The following SV2C variants were observed in gnomAD, a reference collection of about 807,000 sequenced individuals.
SV2C encodes the protein synaptic vesicle glycoprotein 2C.
Under a neutral mutation model 79.7 loss-of-function variants are expected in SV2C, and 49 were observed. That is an observed-to-expected ratio of 0.61 (90% CI 0.49 to 0.78). The LOEUF (loss-of-function observed/expected upper bound fraction) is 0.78. Ranked by LOEUF, SV2C falls within the 30% of genes least tolerant of loss-of-function variation. The probability of loss-of-function intolerance (pLI) is 0.00; values close to 1 mark genes in which losing one functional copy is unlikely to be tolerated. For missense variants in SV2C, 833 were observed against 912.9 expected (o/e 0.91, Z 1.13); for synonymous variants, 334 against 333.2 (o/e 1.00, Z -0.03).
chr5:76,006,288 C>A, the SV2C span, among the ~76,000 whole-genome samples: 1 of 152,170 alleles, frequency 6.6e-6, no homozygotes, highest in Non-Finnish European at 1.5e-5. Flanking sequence ...TTACCACATG[C>A]CTTCCCTTCA....
chr5:76,081,663 G>C (rs1746994868), upstream of SV2C, among the ~76,000 whole-genome samples: 1 of 152,156 alleles, frequency 6.6e-6, no homozygotes. Context: ...GCCTCTCACC[G>C]GAACAAGACA....
the SV2C span, among the ~76,000 whole-genome samples, chr5:76,057,796 G>A: frequency 1.3e-5 from 2 of 152,052 alleles, no homozygotes; most frequent in Non-Finnish European, 2.9e-5. Flanking sequence ...GTTAAATGAA[G>A]TTAAGGCTTC....
At chr5:76,150,963 C>T (rs576428965) in intron 2 of SV2C, among the ~76,000 whole-genome samples, 4 of 152,214 alleles carry the variant, frequency 2.6e-5, no homozygotes, top group South Asian at 4.2e-4. Context: ...CTTACCTAGT[C>T]GGTGCAAGCC....
chr5:75,898,986 T>C, the SV2C span, among the ~76,000 whole-genome samples: 1 of 152,222 alleles, frequency 6.6e-6, no homozygotes. Flanking sequence ...TTGCTAGCGG[T>C]CTAACAATTT....
At chr5:75,971,040 A>T in the SV2C span, among the ~76,000 whole-genome samples, 28 of 152,264 alleles carry the variant, frequency 1.8e-4, no homozygotes, top group Middle Eastern at 3.4e-3. Context: ...CAATGAATGT[A>T]ATCCAGAATA....
chr5:75,969,108 TACAG>T, the SV2C span, among the ~76,000 whole-genome samples: 1 of 152,076 alleles, frequency 6.6e-6, no homozygotes, highest in Non-Finnish European at 1.5e-5. Flanking sequence ...TAAAATACTT[TACAG>T]ACAAACAAAT....
At chr5:76,076,285 A>G in the SV2C span, among the ~76,000 whole-genome samples, 1 of 152,238 alleles carries the variant, frequency 6.6e-6, no homozygotes, top group Admixed American at 6.5e-5. Context: ...CAACCAGCAG[A>G]GTTGGATAGA....
At chr5:76,073,394 G>A in the SV2C span, among the ~76,000 whole-genome samples, 2 of 150,842 alleles carry the variant, frequency 1.3e-5, no homozygotes, top group South Asian at 4.2e-4. Flanking sequence ...AAGATTAATT[G>A]GCTGTATGCA....
At chr5:75,981,475 C>T in the SV2C span, among the ~76,000 whole-genome samples, 3 of 152,044 alleles carry the variant, frequency 2.0e-5, no homozygotes, top group Non-Finnish European at 2.9e-5. Flanking sequence ...CTATACTATA[C>T]AGCTACAGTA....
intron 3 of SV2C, among the ~76,000 whole-genome samples, chr5:76,196,578 T>A (rs1744278009): frequency 6.6e-6 from 1 of 152,200 alleles, no homozygotes; most frequent in Non-Finnish European, 1.5e-5. Flanking sequence ...TTGGGGCTAT[T>A]AGTTAAAGGA....
the SV2C span, among the ~76,000 whole-genome samples, chr5:76,070,371 T>G: frequency 1.3e-5 from 2 of 152,182 alleles, no homozygotes; most frequent in Non-Finnish European, 2.9e-5. Context: ...CCTTGTTCTA[T>G]CAGGCAGGTT....
At chr5:75,890,093 C>T in the SV2C span, among the ~76,000 whole-genome samples, 1 of 152,198 alleles carries the variant, frequency 6.6e-6, no homozygotes, top group East Asian at 1.9e-4. Flanking sequence ...CATCTGGCTT[C>T]CTGTGCTATT....
chr5:76,022,301 A>T, the SV2C span, among the ~76,000 whole-genome samples: 1 of 152,144 alleles, frequency 6.6e-6, no homozygotes, highest in Admixed American at 6.6e-5. Context: ...ATGCCAGGAG[A>T]ACAGAACAGT....
chr5:76,206,709 G>A (rs1580353431), intron 3 of SV2C, among the ~76,000 whole-genome samples: 2 of 152,206 alleles, frequency 1.3e-5, no homozygotes, highest in East Asian at 3.9e-4. Flanking sequence ...ACTCAAGAAT[G>A]AATATGATAA....
chr5:76,306,397 C>T (rs1021026730), intron 12 of SV2C, among the ~76,000 whole-genome samples: 3 of 151,958 alleles, frequency 2.0e-5, no homozygotes, highest in Non-Finnish European at 2.9e-5. Context: ...AGCTCAATGC[C>T]GGGAACTGGG....
intron 2 of SV2C, among the ~76,000 whole-genome samples, chr5:76,169,764 A>G (rs1014782423): frequency 3.3e-5 from 5 of 152,204 alleles, no homozygotes; most frequent in African/African-American, 1.2e-4. Context: ...GAGGGGCTTG[A>G]GAAAGGCAGC....
intron 1 of SV2C, among the ~76,000 whole-genome samples, chr5:76,123,578 C>T (rs1748608048): frequency 6.6e-6 from 1 of 152,166 alleles, no homozygotes; most frequent in Admixed American, 6.5e-5. Context: ...TCAATATATG[C>T]AAATCAATAA....
chr5:76,291,076 G>C, intron 6 of SV2C, 145 bp from the exon 7 acceptor site: 1 of 494,640 alleles, frequency 2.0e-6, no homozygotes, highest in Non-Finnish European at 3.6e-6. Flanking sequence ...TTATGGCAGT[G>C]GTCTCATATA....
intron 2 of SV2C, among the ~76,000 whole-genome samples, chr5:76,182,494 A>AC (rs1487082577): frequency 6.6e-6 from 1 of 152,084 alleles, no homozygotes; most frequent in Non-Finnish European, 1.5e-5. Context: ...TTGGCCTACT[A>AC]CAGTTATTTG....
Sources: allele counts gnomAD v4.1 joint callset (sites outside exome capture counted in the v4.1 genomes callset), GRCh38; gene constraint gnomAD v4.1.1; transcripts MANE v1.5; gene names NCBI Gene and HGNC (gene_info 2026-07-23, HGNC 2026-07-21).